SLC22A14: variants seen among roughly 807,000 people sequenced by gnomAD.
The protein encoded by SLC22A14 is organic cation transporter-like 4.
Under a neutral mutation model 53.9 loss-of-function variants are expected in SLC22A14, and 50 were observed. The ratio of observed to expected loss-of-function variants is 0.93; its 90% CI spans 0.74 to 1.17. The LOEUF is 1.17. Ranked by LOEUF, SLC22A14 falls within the 50% of genes most tolerant of loss-of-function variation. The probability of loss-of-function intolerance (pLI) is 0.00; values close to 1 mark genes in which losing one functional copy is unlikely to be tolerated. For synonymous variants in SLC22A14, 312 were observed against 303.0 expected, an observed-to-expected ratio of 1.03 and a Z score of -0.31; for missense variants, 671 against 734.7, an observed-to-expected ratio of 0.91 and a Z score of 1.00.
Position 38,307,008 on chromosome 3 carries a change from C to G in SLC22A14, c.517-246C>G, listed in dbSNP as rs928889651. Among the ~76,000 whole-genome samples, 6 of 152,210 alleles carry G rather than the reference C, an allele frequency of 3.9e-5. No homozygotes were observed. The highest frequency in any genetic ancestry group is 7.2e-5 in the African/African-American group (3 of 41,456). ...GATTCCTGCCTTTGCTCAGCTACCCCCTACCCCACACACACATCTTGGCCT... is the reference window on the plus strand; with the variant it reads ...GATTCCTGCCTTTGCTCAGCTACCCGCTACCCCACACACACATCTTGGCCT... On this transcript the variant is annotated intron_variant, in intron 2 of 10. Transcript: ENST00000448498. The surrounding 1 kb of genome is among the most constrained non-coding windows in gnomAD (Gnocchi z 4.4).
intron 10 of SLC22A14, 48 bp downstream of exon 10, chr3:38,316,572 G>A (rs1704628698): frequency 1.3e-6 from 2 of 1,555,438 alleles, no homozygotes; most frequent in African/African-American, 1.4e-5. Context: ...GCCTGGCTCT[G>A]AAGCCTTGGC....
upstream of SLC22A14, among the ~76,000 whole-genome samples, chr3:38,281,664 A>T (rs1008333413): frequency 6.6e-6 from 1 of 152,266 alleles, no homozygotes; most frequent in Non-Finnish European, 1.5e-5. Flanking sequence ...TAAAGGCCCC[A>T]TCACGCTACC....
rs755172450 is a variant in SLC22A14, at chr3:38,313,679, T to C, written c.1164-48T>C. ...GCCTCTGTCTTTATTCCTGGCTCCG[T>C]GTGTGTGCGCGCGTGTGCACGCGCA... is the stretch of plus-strand genomic sequence containing the variant. On this transcript the variant is annotated intron_variant, in intron 7 of 10. Coordinates refer to ENST00000448498, the MANE Select transcript of SLC22A14 (RefSeq NM_001320033.2). 7.2e-6 allele frequency: 6 copies of C among 839,016 alleles called. No homozygotes were observed. The South Asian group carries it at 9.1e-5, about 13-fold the overall frequency. The allele number at this position is 839,016 out of a possible 1,614,324, so 52.0% of individuals were successfully genotyped here.
intron 1 of SLC22A14, among the ~76,000 whole-genome samples, chr3:38,301,861 C>G (rs1186887393): frequency 6.6e-6 from 1 of 151,412 alleles, no homozygotes; most frequent in South Asian, 2.1e-4. Context: ...TTTTCTGCAT[C>G]TATAAACATG....
intron 1 of SLC22A14, among the ~76,000 whole-genome samples, chr3:38,302,558 G>A (rs957055557): frequency 1.3e-5 from 2 of 151,964 alleles, no homozygotes; most frequent in Admixed American, 1.3e-4. Flanking sequence ...CAAGGAGGCT[G>A]AGGTGGGAAG....
chr3:38,308,489 G>A (rs1157072760), intron 4 of SLC22A14, among the ~76,000 whole-genome samples: 1 of 152,266 alleles, frequency 6.6e-6, no homozygotes, highest in Admixed American at 6.5e-5. Flanking sequence ...AAAGCACCCA[G>A]TGCAGCCTTA....
intron 1 of SLC22A14, among the ~76,000 whole-genome samples, chr3:38,293,060 G>A (rs749924508): frequency 9.8e-5 from 15 of 152,300 alleles, no homozygotes; most frequent in Non-Finnish European, 1.8e-4. Flanking sequence ...CCAGGGCTCT[G>A]TGAGGGTGAT....
At chr3:38,288,586 G>C (rs1168630741) in intron 1 of SLC22A14, among the ~76,000 whole-genome samples, 1 of 151,968 alleles carries the variant, frequency 6.6e-6, no homozygotes, top group Admixed American at 6.5e-5. Flanking sequence ...ACCAATATTT[G>C]TTTCCTTTTC....
chr3:38,308,916 G>A, intron 4 of SLC22A14, 38 bp from the exon 5 acceptor site: 1 of 1,601,524 alleles, frequency 6.2e-7, no homozygotes, highest in Non-Finnish European at 8.5e-7. Context: ...TGGGGACCCT[G>A]ACGTAACCAT....
intron 8 of SLC22A14, 100 bp from the exon 9 acceptor site, chr3:38,315,458 C>T: frequency 1.6e-6 from 2 of 1,269,502 alleles, no homozygotes; most frequent in Admixed American, 2.2e-5. Flanking sequence ...AATGCCTGAG[C>T]CTGCTGGCCA....
chr3:38,300,844 A>G (rs1704142867), intron 1 of SLC22A14, among the ~76,000 whole-genome samples: 1 of 151,736 alleles, frequency 6.6e-6, no homozygotes, highest in Non-Finnish European at 1.5e-5. Context: ...CATGCCAAAC[A>G]CTCTTCTTAA....
At chr3:38,296,247 G>A (rs1704034507) in intron 1 of SLC22A14, among the ~76,000 whole-genome samples, 2 of 152,128 alleles carry the variant, frequency 1.3e-5, no homozygotes, top group African/African-American at 2.4e-5. Flanking sequence ...CTGGGAGTTC[G>A]GGATGACAGC....
intron 1 of SLC22A14, among the ~76,000 whole-genome samples, chr3:38,302,281 C>T (rs2051209): frequency 0.056 from 7,957 of 143,266 alleles, 261 homozygotes; most frequent in East Asian, 0.15. Flanking sequence ...TATATATACA[C>T]ATATATATTT....
chr3:38,286,560 G>GCA (rs1703797556), intron 1 of SLC22A14, among the ~76,000 whole-genome samples: 1 of 150,752 alleles, frequency 6.6e-6, no homozygotes, highest in African/African-American at 2.4e-5. Context: ...ACAGACGTGT[G>GCA]CCACCACGCC....
At chr3:38,280,891 A>G (rs1703654775), upstream of SLC22A14, among the ~76,000 whole-genome samples, 1 of 152,170 alleles carries the variant, frequency 6.6e-6, no homozygotes, top group Non-Finnish European at 1.5e-5. Flanking sequence ...CAGCCTCCCA[A>G]AGTGCTGGGA....
intron 1 of SLC22A14, among the ~76,000 whole-genome samples, chr3:38,302,246 GTA>G (rs1421116165): frequency 3.0e-5 from 3 of 101,508 alleles, no homozygotes; most frequent in African/African-American, 1.0e-4. Context: ...AAAAAAAAAA[GTA>G]TATATATATA....
At chr3:38,300,738 T>C (rs1185894548) in intron 1 of SLC22A14, among the ~76,000 whole-genome samples, 1 of 152,214 alleles carries the variant, frequency 6.6e-6, no homozygotes, top group Admixed American at 6.5e-5. Flanking sequence ...TTACTGAAAC[T>C]GCATTGCCCA....
At chr3:38,302,540 C>T (rs544628520) in intron 1 of SLC22A14, among the ~76,000 whole-genome samples, 1 of 151,996 alleles carries the variant, frequency 6.6e-6, no homozygotes, top group East Asian at 1.9e-4. Flanking sequence ...CCTGTAGTCT[C>T]AGCTACTCAA....
chr3:38,279,628 G>T (rs867219769), upstream of SLC22A14, among the ~76,000 whole-genome samples: 39 of 149,214 alleles, frequency 2.6e-4, no homozygotes, highest in African/African-American at 8.5e-4. Context: ...GTTGGTTGGG[G>T]AGAAAGATTT....
Sources: gnomAD v4.1 joint callset for allele counts (sites outside exome capture counted in the v4.1 genomes callset) on GRCh38, gnomAD v4.1.1 for gene constraint, Gnocchi (gnomAD v3.1) non-coding constraint, MANE v1.5 for transcripts, NCBI Gene and HGNC (gene_info 2026-07-23, HGNC 2026-07-21) for gene names.